The following MYLIP variants were observed in gnomAD, a reference collection of about 807,000 sequenced individuals.
The protein encoded by MYLIP is E3 ubiquitin-protein ligase MYLIP.
Under a neutral mutation model 45.8 loss-of-function variants are expected in MYLIP, and 26 were observed. That is an observed-to-expected ratio of 0.57 (90% CI 0.42 to 0.79). The LOEUF (loss-of-function observed/expected upper bound fraction) is 0.79. MYLIP is among the 30% of genes least tolerant of loss of function. MYLIP has a pLI of 0.00. For synonymous variants in MYLIP, 213 were observed against 218.1 expected (o/e 0.98, Z 0.21); for missense variants, 494 against 555.6 (o/e 0.89, Z 1.11).
intron 4 of MYLIP, 104 bp downstream of exon 4, chr6:16,143,321 G>A: frequency 8.7e-7 from 1 of 1,154,032 alleles, no homozygotes; most frequent in Non-Finnish European, 1.3e-6. Context: ...CAGCTCTTAG[G>A]AATGAAAGAT....
intron 3 of MYLIP, among the ~76,000 whole-genome samples, chr6:16,142,140 A>T (rs1759687100): frequency 6.6e-6 from 1 of 152,244 alleles, no homozygotes; most frequent in Non-Finnish European, 1.5e-5. Context: ...ATATTCATAG[A>T]GCTATCAAAT....
In MYLIP at chr6:16,146,865, GT is replaced by G; in HGVS notation, c.*116del. 1 of 569,204 alleles carries G rather than the reference GT, an allele frequency of 1.8e-6. No homozygotes were observed. Among genetic ancestry groups the G allele is most frequent in the Non-Finnish European group, 2.6e-6 (1 of 381,802 alleles). The allele number at this position is 569,204 out of a possible 1,614,324, so 35.3% of individuals were successfully genotyped here. On this transcript the variant is annotated 3_prime_UTR_variant, in exon 7 of 7. Transcript: ENST00000356840. Reference sequence around the variant, plus strand: ...TTCCAACACCCATCTGCCATGCGATGTTAAAAAAAAAAAAAAGGAAGAAAAA... The same window carrying G: ...TTCCAACACCCATCTGCCATGCGATGTAAAAAAAAAAAAAAGGAAGAAAAA...
intron 2 of MYLIP, among the ~76,000 whole-genome samples, chr6:16,131,540 G>A (rs1759460223): frequency 6.6e-6 from 1 of 152,202 alleles, no homozygotes; most frequent in Non-Finnish European, 1.5e-5. Flanking sequence ...TTGAAAGGCA[G>A]GAGACTTCAA....
intron 2 of MYLIP, among the ~76,000 whole-genome samples, chr6:16,134,026 G>T (rs1759505596): frequency 6.6e-6 from 1 of 152,060 alleles, no homozygotes; most frequent in South Asian, 2.1e-4. Context: ...CCCATCCTCA[G>T]CCCTCAGAAA....
At chr6:16,139,113 C>T (rs527743997) in intron 2 of MYLIP, among the ~76,000 whole-genome samples, 72 of 152,292 alleles carry the variant, frequency 4.7e-4, no homozygotes, top group South Asian at 8.3e-4. Flanking sequence ...TAACTTTACA[C>T]CTGAAAAATA....
At chr6:16,149,921 C>T (rs1759857200), downstream of MYLIP, among the ~76,000 whole-genome samples, 1 of 152,182 alleles carries the variant, frequency 6.6e-6, no homozygotes, top group South Asian at 2.1e-4. Flanking sequence ...AAGGAAATTA[C>T]AACAGGGTTT....
chr6:16,146,867 TAAAA>T lies in MYLIP; in HGVS notation c.*127_*130del. ...CCAACACCCATCTGCCATGCGATGT[TAAAA>T]AAAAAAAAAAGGAAGAAAAATAACA... On this transcript the variant is annotated 3_prime_UTR_variant, in exon 7 of 7. Transcript: ENST00000356840. 6.0e-5 allele frequency: 37 copies of T among 614,222 alleles called. No homozygotes were observed. The highest frequency in any genetic ancestry group is 1.5e-4 in the South Asian group (5 of 33,390). The allele number at this position is 614,222 out of a possible 1,614,324, so 38.0% of individuals were successfully genotyped here. A position where few individuals can be genotyped will look rare whatever the true frequency, so the allele number is the denominator to read the frequency against.
chr6:16,135,053 T>C (rs1030628135), intron 2 of MYLIP, among the ~76,000 whole-genome samples: 17 of 152,168 alleles, frequency 1.1e-4, no homozygotes, highest in African/African-American at 3.4e-4. Context: ...CTGAATGGTG[T>C]CCCACTGTGG....
Position 16,146,848 on chromosome 6 carries a change from C to T in MYLIP, c.*97C>T, listed in dbSNP as rs560855721. The stretch of plus-strand genomic sequence containing the variant: ...TGTGGAGAAAGTAATTATTCCAACA[C>T]CCATCTGCCATGCGATGTTAAAAAA... On this transcript the variant is annotated 3_prime_UTR_variant, in exon 7 of 7. Transcript: ENST00000356840. 3.4e-4 allele frequency: 354 copies of T among 1,040,770 alleles called. No individual in the cohort carries two copies. In the African/African-American group the frequency reaches 5.3e-3, roughly 16 times the overall value. The allele number at this position is 1,040,770 out of a possible 1,614,324, so 64.5% of individuals were successfully genotyped here. A position where few individuals can be genotyped will look rare whatever the true frequency, so the allele number is the denominator to read the frequency against.
intron 2 of MYLIP, 85 bp downstream of exon 2, chr6:16,130,832 A>G (rs1759443033): frequency 2.2e-6 from 3 of 1,347,120 alleles, no homozygotes; most frequent in African/African-American, 2.9e-5. Flanking sequence ...AGATACTCAC[A>G]GGCAAGTTTG....
In MYLIP at chr6:16,130,579, TA is replaced by T; in HGVS notation, c.111del (p.Ile37MetfsTer20). The T allele has an allele frequency of 3.1e-6, 5 of 1,614,158 alleles. No individual in the cohort carries two copies. Among genetic ancestry groups the T allele is most frequent in the Non-Finnish European group, 4.2e-6 (5 of 1,180,012 alleles). The stretch of plus-strand genomic sequence containing the variant: ...TAGGTGTGCAGGCGACTGGGAATCA[TA>T]GAAGTTGACTATTTTGGACTGCAGT... Reference protein sequence around the residue: ...LNQVCRRLGIIEVDYFGLQFT... With the variant: ...LNQVCRRLGIXEVDYFGLQFT... On this transcript the variant is annotated frameshift_variant, in exon 2 of 7. Transcript: ENST00000356840. LOFTEE classifies it high-confidence loss of function.
chr6:16,143,987 T>A, intron 5 of MYLIP, 124 bp downstream of exon 5: 1 of 1,153,740 alleles, frequency 8.7e-7, no homozygotes, highest in Non-Finnish European at 1.2e-6. Flanking sequence ...TAAGAAATTC[T>A]GAACATTTTG....
the MYLIP span, among the ~76,000 whole-genome samples, chr6:16,156,601 C>A: frequency 6.6e-6 from 1 of 152,164 alleles, no homozygotes; most frequent in Non-Finnish European, 1.5e-5. Flanking sequence ...CTTTGGGGCA[C>A]CCAAGTTGCT....
intron 2 of MYLIP, among the ~76,000 whole-genome samples, chr6:16,137,554 CT>C: frequency 6.6e-6 from 1 of 152,238 alleles, no homozygotes; most frequent in East Asian, 1.9e-4. Flanking sequence ...TCATTAAAAG[CT>C]CTTAAAAATG....
At chr6:16,139,563 C>A (rs1420162227) in intron 2 of MYLIP, among the ~76,000 whole-genome samples, 1 of 152,214 alleles carries the variant, frequency 6.6e-6, no homozygotes, top group Non-Finnish European at 1.5e-5. Context: ...GAGATGGGTA[C>A]ATTCACCAAG....
At chr6:16,134,285 T>A (rs537535150) in intron 2 of MYLIP, among the ~76,000 whole-genome samples, 2 of 152,204 alleles carry the variant, frequency 1.3e-5, no homozygotes, top group African/African-American at 2.4e-5. Context: ...AAAAATGGGG[T>A]TAACTGATAA....
intron 2 of MYLIP, among the ~76,000 whole-genome samples, chr6:16,141,330 T>C (rs1355161588): frequency 1.3e-5 from 2 of 152,248 alleles, no homozygotes; most frequent in East Asian, 3.8e-4. Context: ...TTTAAAACAC[T>C]ATAATGCAGA....
the MYLIP span, among the ~76,000 whole-genome samples, chr6:16,162,489 GT>G: frequency 6.6e-6 from 1 of 152,114 alleles, no homozygotes; most frequent in Non-Finnish European, 1.5e-5. Flanking sequence ...GATTGCAACT[GT>G]AAGCAAAAAC....
chr6:16,150,250 G>A (rs548980697), downstream of MYLIP, among the ~76,000 whole-genome samples: 2 of 152,158 alleles, frequency 1.3e-5, no homozygotes, highest in South Asian at 2.1e-4. Context: ...GCAAAGAGGC[G>A]GTCAGCTGTG....
Sources: allele counts gnomAD v4.1 joint callset (sites outside exome capture counted in the v4.1 genomes callset), GRCh38; gene constraint gnomAD v4.1.1; transcripts MANE v1.5; gene names NCBI Gene and HGNC (gene_info 2026-07-23, HGNC 2026-07-21).